FER: variants seen among roughly 807,000 people sequenced by gnomAD.
FER encodes the protein tyrosine-protein kinase Fer.
FER carries 63 observed loss-of-function variants against 111.0 expected under a neutral mutation model. That is an observed-to-expected ratio of 0.57 (90% CI 0.46 to 0.70). The LOEUF is 0.70. Among genes scored for constraint, FER ranks in the 30% least tolerant of loss-of-function variants. FER has a pLI of 0.00. For missense variants in FER, 914 were observed against 954.0 expected, an observed-to-expected ratio of 0.96 and a Z score of 0.55; for synonymous variants, 327 against 313.9, an observed-to-expected ratio of 1.04 and a Z score of -0.44.
intron 5 of FER, among the ~76,000 whole-genome samples, chr5:108,850,016 C>T (rs1319384242): frequency 2.6e-5 from 4 of 151,968 alleles, no homozygotes; most frequent in Non-Finnish European, 5.9e-5. Context: ...ATTGTGAAAC[C>T]CCGTCTCTAC....
chr5:108,943,736 A>T (rs918795987), intron 10 of FER, among the ~76,000 whole-genome samples: 1 of 151,392 alleles, frequency 6.6e-6, no homozygotes, highest in African/African-American at 2.4e-5. Context: ...GTTTGTTTTT[A>T]TTTTTTGTTT....
At chr5:109,057,422 G>C (rs1167780352) in intron 16 of FER, among the ~76,000 whole-genome samples, 1 of 152,180 alleles carries the variant, frequency 6.6e-6, no homozygotes, top group African/African-American at 2.4e-5. Context: ...AATATGAAGA[G>C]AGAGGTGATA....
chr5:108,831,737 C>T (rs1760066860), intron 3 of FER, among the ~76,000 whole-genome samples: 5 of 152,122 alleles, frequency 3.3e-5, no homozygotes, highest in Admixed American at 3.3e-4. Context: ...TATAATTTTG[C>T]TTTAGATGCT....
chr5:109,190,863 G>A lies in FER; in HGVS notation c.*3288G>A, dbSNP rs1759327144. On this transcript the variant is annotated 3_prime_UTR_variant, in exon 20 of 20. Coordinates refer to ENST00000281092, the MANE Select transcript of FER (RefSeq NM_005246.4). ...ATAAGTATAGACCAGGAGCCTAACT[G>A]TGTTAGATATTTTCAGTGCACATTT... 6.6e-6 allele frequency: 1 copy of A among 152,092 alleles called. No individual in the cohort carries two copies. Among genetic ancestry groups the A allele is most frequent in the Non-Finnish European group, 1.5e-5 (1 of 68,008 alleles). The allele number at this position is 152,092 out of a possible 1,614,324, so 9.4% of individuals were successfully genotyped here.
chr5:108,833,571 T>C (rs1760277191), intron 4 of FER, among the ~76,000 whole-genome samples: 1 of 151,990 alleles, frequency 6.6e-6, no homozygotes. Context: ...AAATAAGTGA[T>C]CTTGTTAGAA....
chr5:109,055,851 CA>C (rs373320956), intron 16 of FER, among the ~76,000 whole-genome samples: 8,821 of 92,454 alleles, frequency 0.095, 935 homozygotes, highest in African/African-American at 0.29. Flanking sequence ...AACATTGTCT[CA>C]AAAAAAAAAA....
intron 4 of FER, among the ~76,000 whole-genome samples, chr5:108,833,977 GT>G (rs1416623018): frequency 6.8e-6 from 1 of 146,292 alleles, no homozygotes; most frequent in Non-Finnish European, 1.5e-5. Context: ...TTGTTTAAAT[GT>G]TTTTTTATAG....
At chr5:109,001,347 G>A (rs767295367) in intron 13 of FER, among the ~76,000 whole-genome samples, 3 of 152,134 alleles carry the variant, frequency 2.0e-5, no homozygotes, top group African/African-American at 4.8e-5. Flanking sequence ...ATCAATAAAC[G>A]TAATCCAGCG....
chr5:108,980,614 T>C (rs1380362690), intron 13 of FER, among the ~76,000 whole-genome samples: 1 of 152,144 alleles, frequency 6.6e-6, no homozygotes, highest in Non-Finnish European at 1.5e-5. Flanking sequence ...TGAAATTGGT[T>C]GGTTTTTCAG....
chr5:109,013,434 A>G (rs1288602883), intron 13 of FER, among the ~76,000 whole-genome samples: 4 of 151,744 alleles, frequency 2.6e-5, no homozygotes, highest in African/African-American at 9.7e-5. Flanking sequence ...GCTGCATAGT[A>G]TTCCACGGTG....
At chr5:108,839,592 T>TTTTTC (rs1761039271) in intron 5 of FER, among the ~76,000 whole-genome samples, 5 of 148,088 alleles carry the variant, frequency 3.4e-5, no homozygotes, top group Admixed American at 2.0e-4. Flanking sequence ...TTTTTTTTTT[T>TTTTTC]TTTGAGACGG....
chr5:109,060,535 T>C (rs1048875002), intron 16 of FER, among the ~76,000 whole-genome samples: 2 of 151,640 alleles, frequency 1.3e-5, no homozygotes, highest in African/African-American at 4.8e-5. Flanking sequence ...AATGCAAAAA[T>C]TAGCTGGGCG....
chr5:108,888,591 G>A (rs1457542038), intron 9 of FER, among the ~76,000 whole-genome samples: 1 of 151,718 alleles, frequency 6.6e-6, no homozygotes, highest in Non-Finnish European at 1.5e-5. Flanking sequence ...TTTATTTATG[G>A]CCTCCTATGC....
chr5:108,895,397 T>C (rs1478064557), intron 9 of FER, among the ~76,000 whole-genome samples: 1 of 152,186 alleles, frequency 6.6e-6, no homozygotes, highest in African/African-American at 2.4e-5. Flanking sequence ...AGGTCACAAG[T>C]CAGAAATCAG....
intron 17 of FER, among the ~76,000 whole-genome samples, chr5:109,134,059 C>G (rs140274699): frequency 6.6e-6 from 1 of 151,876 alleles, no homozygotes; most frequent in Non-Finnish European, 1.5e-5. Flanking sequence ...TAAAGAAATA[C>G]ATTAGTTCCT....
At chr5:109,017,698 T>A (rs999456309) in intron 13 of FER, among the ~76,000 whole-genome samples, 2 of 151,976 alleles carry the variant, frequency 1.3e-5, no homozygotes, top group African/African-American at 4.8e-5. Context: ...TCTTAAATGT[T>A]ATTATAGTTA....
At chr5:108,944,620 G>A (rs1352934102) in intron 10 of FER, among the ~76,000 whole-genome samples, 1 of 151,866 alleles carries the variant, frequency 6.6e-6, no homozygotes, top group African/African-American at 2.4e-5. Context: ...GTGTTATTAG[G>A]TAGACTGTAA....
At chr5:108,785,257 G>T in intron 2 of FER, 1 of 565,706 alleles carries the variant, frequency 1.8e-6, no homozygotes, top group Admixed American at 2.4e-5. Flanking sequence ...AGGCCATGCT[G>T]TGGGATCTCA....
chr5:109,146,210 T>TTTATATATATATATTATCCATCTAA (rs1561953365), intron 17 of FER, among the ~76,000 whole-genome samples: 1 of 95,310 alleles, frequency 1.0e-5, no homozygotes, highest in Non-Finnish European at 2.3e-5. Context: ...TCTATCTATT[T>TTTATATATATATATTATCCATCTAA]TATATATATA....
Sources: gnomAD v4.1 joint callset for allele counts (sites outside exome capture counted in the v4.1 genomes callset) on GRCh38, gnomAD v4.1.1 for gene constraint, MANE v1.5 for transcripts, NCBI Gene and HGNC (gene_info 2026-07-23, HGNC 2026-07-21) for gene names.